Variants in FRMD4A observed in about 807,000 individuals in gnomAD.
FRMD4A encodes the protein FERM domain containing 4A.
In FRMD4A, 29 loss-of-function variants were observed where a neutral mutation model predicts 129.1. The ratio of observed to expected loss-of-function variants is 0.22; its 90% CI spans 0.17 to 0.31. FRMD4A has a LOEUF of 0.31. FRMD4A is among the 10% of genes least tolerant of loss of function. FRMD4A has a pLI of 1.00. For synonymous variants in FRMD4A, 634 were observed against 571.6 expected (o/e 1.11, Z -1.56); for missense variants, 1,272 against 1,375.8 (o/e 0.92, Z 1.19).
chr10:14,234,679 C>G (rs1026058553), intron 2 of FRMD4A, among the ~76,000 whole-genome samples: 2 of 152,224 alleles, frequency 1.3e-5, no homozygotes. Flanking sequence ...ACAAACAGAA[C>G]CTGATAACCA....
chr10:13,661,380 A>G (rs2082628595), intron 19 of FRMD4A, among the ~76,000 whole-genome samples: 1 of 152,088 alleles, frequency 6.6e-6, no homozygotes, highest in African/African-American at 2.4e-5. Context: ...AAGGGCTTGA[A>G]CCAAAGTGTG....
chr10:13,657,402 G>A lies in FRMD4A; in HGVS notation c.2187C>T (p.Asp729=). The change falls in exon 22 of 25, where the codon GAC becomes GAT. Residue 729 remains aspartate (D), a synonymous_variant. Coordinates refer to ENST00000357447, the MANE Select transcript of FRMD4A (RefSeq NM_018027.5). ...TGCTACGAGTCCGCGGGGTGTAGAA[G>A]TCGGGGCTCCCGGTGTCGTTTTCCG... The part of the protein sequence containing the change: ...LGSENDTGSP[D]FYTPRTRSSN... 1 of 1,608,024 alleles carries A rather than the reference G, an allele frequency of 6.2e-7. No individual in the cohort carries two copies. The highest frequency in any genetic ancestry group is 8.5e-7 in the Non-Finnish European group (1 of 1,177,912).
At chr10:14,160,948 C>T (rs1840852343) in intron 2 of FRMD4A, among the ~76,000 whole-genome samples, 1 of 152,004 alleles carries the variant, frequency 6.6e-6, no homozygotes, top group Non-Finnish European at 1.5e-5. Context: ...TGGAAAACTG[C>T]ATGAAGATTT....
chr10:14,253,499 A>G (rs1220154882), intron 2 of FRMD4A, among the ~76,000 whole-genome samples: 2 of 152,202 alleles, frequency 1.3e-5, no homozygotes, highest in African/African-American at 4.8e-5. Flanking sequence ...TATGAATTCT[A>G]TCTAATTCTT....
At chr10:14,210,189 T>TAG (rs1320914309) in intron 2 of FRMD4A, among the ~76,000 whole-genome samples, 1 of 152,134 alleles carries the variant, frequency 6.6e-6, no homozygotes. Context: ...GTGATGGTAT[T>TAG]AGGAGATAAG....
At chr10:14,215,864 T>A (rs551074713) in intron 2 of FRMD4A, among the ~76,000 whole-genome samples, 63 of 152,322 alleles carry the variant, frequency 4.1e-4, no homozygotes, top group African/African-American at 1.3e-3. Context: ...GAGTCTCAGT[T>A]GCTACTGTCC....
intron 2 of FRMD4A, among the ~76,000 whole-genome samples, chr10:14,057,577 T>C (rs1280885957): frequency 2.2e-5 from 1 of 45,324 alleles, no homozygotes; most frequent in African/African-American, 6.0e-5. Flanking sequence ...TATAATCTTT[T>C]TTTTTTTTTC....
intron 2 of FRMD4A, among the ~76,000 whole-genome samples, chr10:14,294,504 G>T (rs1845947126): frequency 6.6e-6 from 1 of 152,118 alleles, no homozygotes; most frequent in Non-Finnish European, 1.5e-5. Context: ...CTCACTATAG[G>T]CGTTATTATT....
chr10:14,310,150 T>G (rs1046188452), intron 2 of FRMD4A, among the ~76,000 whole-genome samples: 20 of 140,614 alleles, frequency 1.4e-4, no homozygotes, highest in Non-Finnish European at 2.4e-4. Context: ...GCCTCGGCTT[T>G]GGGCCTCTGC....
At chr10:13,717,202 A>G (rs2088894421) in intron 12 of FRMD4A, among the ~76,000 whole-genome samples, 1 of 152,178 alleles carries the variant, frequency 6.6e-6, no homozygotes, top group Non-Finnish European at 1.5e-5. Context: ...TTCAAAGGGG[A>G]ATTAATCAAT....
intron 2 of FRMD4A, among the ~76,000 whole-genome samples, chr10:14,034,847 T>C (rs1202105317): frequency 2.0e-5 from 3 of 152,190 alleles, no homozygotes; most frequent in African/African-American, 7.2e-5. Context: ...CTAATATTAC[T>C]GCAACAACTA....
intron 2 of FRMD4A, among the ~76,000 whole-genome samples, chr10:14,026,916 A>G (rs1833009676): frequency 6.6e-6 from 1 of 152,184 alleles, no homozygotes; most frequent in South Asian, 2.1e-4. Context: ...ATCTCAGAGG[A>G]GTGTTCAACA....
chr10:13,964,239 A>G (rs2095468503), intron 2 of FRMD4A, among the ~76,000 whole-genome samples: 1 of 152,078 alleles, frequency 6.6e-6, no homozygotes, highest in South Asian at 2.1e-4. Flanking sequence ...CATCAAACAA[A>G]CAAACAAACA....
intron 6 of FRMD4A, among the ~76,000 whole-genome samples, chr10:13,766,113 C>T (rs72769564): frequency 0.024 from 3,692 of 152,292 alleles, 64 homozygotes; most frequent in Middle Eastern, 0.061. Context: ...GCGGGTAACA[C>T]GAAGGAAGGT....
At chr10:14,087,504 T>G (rs1269232313) in intron 2 of FRMD4A, 3 of 152,092 alleles carry the variant, frequency 2.0e-5, no homozygotes, top group African/African-American at 7.2e-5. Flanking sequence ...ATTGTTTTTG[T>G]TTTTCTCAAG....
Position 13,659,360 on chromosome 10 carries a change from G to A in FRMD4A, c.2029C>T (p.Leu677=), listed in dbSNP as rs1384023345. ...ACGTAGTGGGGACTCCGGACCCGCA[G>A]GTCTGGCGTGGACGGCATGCTGGAC... ...SQSSMPSTPD[L]RVRSPHYVHS... Residue 677 remains leucine, a synonymous_variant, in exon 21 of 25, where the codon CTG becomes TTG. Transcript: ENST00000357447. 19 of 1,614,046 alleles carry A rather than the reference G, an allele frequency of 1.2e-5. No individual in the cohort carries two copies. Among genetic ancestry groups the A allele is most frequent in the Non-Finnish European group, 1.6e-5 (19 of 1,179,978 alleles).
intron 2 of FRMD4A, among the ~76,000 whole-genome samples, chr10:14,284,983 G>T (rs1845636807): frequency 6.6e-6 from 1 of 152,148 alleles, no homozygotes; most frequent in African/African-American, 2.4e-5. Context: ...TTGATACCCA[G>T]GTCCAACACA....
At chr10:14,215,754 A>G (rs1230668034) in intron 2 of FRMD4A, among the ~76,000 whole-genome samples, 2 of 152,172 alleles carry the variant, frequency 1.3e-5, no homozygotes, top group African/African-American at 4.8e-5. Context: ...GAAGGTCTAC[A>G]TTAACTAATC....
chr10:13,884,227 CACACACACACA>C (rs1164926769), intron 2 of FRMD4A, among the ~76,000 whole-genome samples: 2 of 151,142 alleles, frequency 1.3e-5, no homozygotes, highest in African/African-American at 4.9e-5. Context: ...CACACACACA[CACACACACACA>C]CACTCCCTAA....
Sources: gnomAD v4.1 joint callset for allele counts (sites outside exome capture counted in the v4.1 genomes callset) on GRCh38, gnomAD v4.1.1 for gene constraint, MANE v1.5 for transcripts, NCBI Gene and HGNC (gene_info 2026-07-23, HGNC 2026-07-21) for gene names.